The following CDH13 variants were observed in gnomAD, a reference collection of about 807,000 sequenced individuals.
The protein encoded by CDH13 is cadherin-13.
CDH13 carries 24 observed loss-of-function variants against 63.8 expected under a neutral mutation model. The observed-to-expected ratio is 0.38, with a 90% CI of 0.27 to 0.53. The LOEUF (loss-of-function observed/expected upper bound fraction) is 0.53. Among genes scored for constraint, CDH13 ranks in the 20% least tolerant of loss-of-function variants. The pLI, the probability that CDH13 is intolerant of heterozygous loss-of-function variation, is 0.85. For synonymous variants in CDH13, 503 were observed against 355.3 expected (o/e 1.42, Z -4.67); for missense variants, 1,049 against 903.1 (o/e 1.16, Z -2.07).
chr16:82,856,526 A>G (rs1162154908), intron 1 of CDH13, among the ~76,000 whole-genome samples: 1 of 151,226 alleles, frequency 6.6e-6, no homozygotes, highest in Non-Finnish European at 1.5e-5. Context: ...ACATAGTGAA[A>G]CCTCCTCAGT....
At chr16:82,805,275 G>C (rs1033804547) in intron 1 of CDH13, among the ~76,000 whole-genome samples, 3 of 152,174 alleles carry the variant, frequency 2.0e-5, no homozygotes, top group Admixed American at 6.5e-5. Context: ...GAAGTGATTA[G>C]ATGATAAAGC....
chr16:82,649,923 G>A (rs183793045), intron 1 of CDH13, among the ~76,000 whole-genome samples: 2 of 152,298 alleles, frequency 1.3e-5, no homozygotes, highest in Admixed American at 1.3e-4. Flanking sequence ...ATTGAAGCAT[G>A]TAACATGCTT....
chr16:83,602,423 C>T, intron 7 of CDH13, 31 bp from the exon 8 acceptor site: 3 of 1,613,060 alleles, frequency 1.9e-6, no homozygotes, highest in East Asian at 2.2e-5. Context: ...ATCTAAATGT[C>T]ATATTATTTC....
intron 1 of CDH13, among the ~76,000 whole-genome samples, chr16:82,814,750 G>T (rs2037618298): frequency 6.6e-6 from 1 of 152,190 alleles, no homozygotes; most frequent in Non-Finnish European, 1.5e-5. Flanking sequence ...AGAGGGGGTT[G>T]TGGGAACTCC....
intron 5 of CDH13, among the ~76,000 whole-genome samples, chr16:83,318,857 G>A (rs921329507): frequency 2.0e-5 from 3 of 152,070 alleles, no homozygotes; most frequent in Admixed American, 6.6e-5. Context: ...GGGCATAGTT[G>A]ATCGAATCCT....
intron 2 of CDH13, among the ~76,000 whole-genome samples, chr16:83,004,407 A>C (rs1440246527): frequency 6.6e-6 from 1 of 152,204 alleles, no homozygotes; most frequent in East Asian, 1.9e-4. Context: ...CAGAAGCTTA[A>C]ACCAAATAGA....
At chr16:82,980,151 G>C (rs1450467458) in intron 2 of CDH13, among the ~76,000 whole-genome samples, 1 of 152,204 alleles carries the variant, frequency 6.6e-6, no homozygotes, top group Non-Finnish European at 1.5e-5. Context: ...CTGAAGTGGA[G>C]ACAGTGAGGT....
At chr16:83,745,230 ACGC>A (rs1165373302) in intron 10 of CDH13, among the ~76,000 whole-genome samples, 5 of 152,242 alleles carry the variant, frequency 3.3e-5, no homozygotes, top group African/African-American at 1.2e-4. Flanking sequence ...AACAGGCCAG[ACGC>A]CTTCCAGGAA....
chr16:83,256,709 G>A (rs1274506718), intron 5 of CDH13, among the ~76,000 whole-genome samples: 2 of 150,864 alleles, frequency 1.3e-5, no homozygotes, highest in Non-Finnish European at 2.9e-5. Flanking sequence ...GCCGGGCATG[G>A]TGGCGGCTGC....
At chr16:83,279,759 A>G (rs2089105797) in intron 5 of CDH13, among the ~76,000 whole-genome samples, 1 of 152,172 alleles carries the variant, frequency 6.6e-6, no homozygotes, top group Non-Finnish European at 1.5e-5. Flanking sequence ...ACCTAAAGAT[A>G]ATATAGGCGT....
chr16:82,678,064 C>T (rs908638881), intron 1 of CDH13, among the ~76,000 whole-genome samples: 4 of 152,112 alleles, frequency 2.6e-5, no homozygotes, highest in South Asian at 4.1e-4. Context: ...AAAAAATATG[C>T]ATCTTCTGTC....
At chr16:82,782,550 TCAA>T (rs1567528424) in intron 1 of CDH13, among the ~76,000 whole-genome samples, 2 of 80,040 alleles carry the variant, frequency 2.5e-5, no homozygotes, top group African/African-American at 6.7e-5. Context: ...AGACTCCATC[TCAA>T]AAAAAAAAAA....
chr16:83,132,963 G>C (rs1419540583), intron 4 of CDH13, among the ~76,000 whole-genome samples: 2 of 152,124 alleles, frequency 1.3e-5, no homozygotes, highest in Non-Finnish European at 2.9e-5. Flanking sequence ...TACACCCTCT[G>C]TATCCTTATT....
intron 2 of CDH13, among the ~76,000 whole-genome samples, chr16:82,929,350 A>T (rs1296466789): frequency 6.6e-6 from 1 of 152,024 alleles, no homozygotes; most frequent in South Asian, 2.1e-4. Context: ...CTTTTCTACT[A>T]CATGAGGACA....
intron 10 of CDH13, among the ~76,000 whole-genome samples, chr16:83,713,774 C>T (rs1331142178): frequency 6.6e-6 from 1 of 152,120 alleles, no homozygotes; most frequent in Non-Finnish European, 1.5e-5. Flanking sequence ...GAGCAGACAC[C>T]AGCCAATCAA....
chr16:83,643,692 G>C (rs1434222927), intron 8 of CDH13, among the ~76,000 whole-genome samples: 1 of 152,178 alleles, frequency 6.6e-6, no homozygotes, highest in Non-Finnish European at 1.5e-5. Flanking sequence ...ATCCAAGTCA[G>C]TTTGCAGAAG....
intron 2 of CDH13, among the ~76,000 whole-genome samples, chr16:82,958,278 C>G (rs1237099889): frequency 2.0e-5 from 3 of 152,158 alleles, no homozygotes; most frequent in South Asian, 4.1e-4. Context: ...CCTAGAAGTG[C>G]TTAAAACTGT....
intron 10 of CDH13, among the ~76,000 whole-genome samples, chr16:83,731,752 G>A (rs16961506): frequency 0.035 from 5,396 of 152,148 alleles, 254 homozygotes; most frequent in East Asian, 0.17. Flanking sequence ...TTCTTTTCTC[G>A]TCTTCTGGCA....
intron 5 of CDH13, among the ~76,000 whole-genome samples, chr16:83,241,467 A>G (rs527736981): frequency 2.6e-5 from 4 of 152,240 alleles, no homozygotes; most frequent in Admixed American, 2.0e-4. Context: ...AAGTGTGACA[A>G]TTTCTTCATG....
Sources: allele counts gnomAD v4.1 joint callset (sites outside exome capture counted in the v4.1 genomes callset), GRCh38; gene constraint gnomAD v4.1.1; transcripts MANE v1.5; gene names NCBI Gene and HGNC (gene_info 2026-07-23, HGNC 2026-07-21).